The following DHX36 variants were observed in gnomAD, a reference collection of about 807,000 sequenced individuals.
DHX36 encodes ATP-dependent DNA/RNA helicase DHX36.
A neutral mutation model predicts 139.0 loss-of-function variants in DHX36; 50 were observed. The ratio of observed to expected loss-of-function variants is 0.36; its 90% CI spans 0.29 to 0.46. The LOEUF (loss-of-function observed/expected upper bound fraction) is 0.46, where lower values mean the gene tolerates loss of function less well. Among genes scored for constraint, DHX36 ranks in the 20% least tolerant of loss-of-function variants. The probability of loss-of-function intolerance (pLI) is 1.00; values close to 1 mark genes in which losing one functional copy is unlikely to be tolerated. For synonymous variants in DHX36, 425 were observed against 401.9 expected (o/e 1.06, Z -0.69); for missense variants, 1,024 against 1,211.3 (o/e 0.85, Z 2.29).
intron 12 of DHX36, chr3:154,299,592 A>C: frequency 2.3e-6 from 1 of 433,092 alleles, no homozygotes. Context: ...GGGCCAAGGG[A>C]TTTCTTTTTT....
In DHX36 at chr3:154,300,097, C is replaced by T. The variant is rs142623428; in HGVS notation, c.1462-172G>A. Reference sequence around the variant, plus strand: ...TTTTAATTATTGTTTTTGAGAGAGTCTTGCTCTGTCACCCAGGATGGAGTA... The same window carrying T: ...TTTTAATTATTGTTTTTGAGAGAGTTTTGCTCTGTCACCCAGGATGGAGTA... On this transcript the variant is annotated intron_variant, in intron 11 of 24. Coordinates refer to ENST00000496811, the MANE Select transcript of DHX36 (RefSeq NM_020865.3). Among the ~76,000 whole-genome samples, 1,164 of 151,596 alleles carry T rather than the reference C, an allele frequency of 7.7e-3. 4 individuals are homozygous for T. The highest frequency in any genetic ancestry group is 0.012 in the Non-Finnish European group (807 of 67,914).
intron 17 of DHX36, among the ~76,000 whole-genome samples, chr3:154,286,967 T>G (rs757858072): frequency 2.0e-5 from 3 of 151,976 alleles, no homozygotes; most frequent in Non-Finnish European, 4.4e-5. Flanking sequence ...TGAAGAAGAA[T>G]GAAAGGGAGT....
intron 2 of DHX36, among the ~76,000 whole-genome samples, 180 bp from the exon 3 acceptor site, chr3:154,315,460 TTTC>T (rs1371935287): frequency 5.3e-5 from 8 of 152,256 alleles, no homozygotes; most frequent in Non-Finnish European, 7.4e-5. Flanking sequence ...AATTCAAATT[TTTC>T]TTCCCTTTAA....
intron 1 of DHX36, among the ~76,000 whole-genome samples, chr3:154,323,316 C>T (rs949920932): frequency 1.3e-5 from 2 of 151,282 alleles, no homozygotes; most frequent in African/African-American, 2.4e-5. Context: ...GCCTGGGCGA[C>T]AGAGTGAGAC....
chr3:154,303,005 A>T (rs1483837984), intron 9 of DHX36, among the ~76,000 whole-genome samples: 2 of 152,206 alleles, frequency 1.3e-5, no homozygotes, highest in East Asian at 3.8e-4. Flanking sequence ...TCAACCTGGA[A>T]GGCGGAGGTT....
In DHX36 at chr3:154,315,238, C is replaced by G; in HGVS notation, c.411G>C (p.Glu137Asp). 1 of 1,612,956 alleles carries G rather than the reference C, an allele frequency of 6.2e-7. No homozygotes were observed. Among genetic ancestry groups the G allele is most frequent in the South Asian group, 1.1e-5 (1 of 91,000 alleles). Residue 137 changes from glutamate to aspartate, a missense_variant, in exon 3 of 25, where the codon GAG becomes GAC. By Grantham distance (45) the Glu-to-Asp change is conservative. This residue lies in a region of DHX36 where 293 missense variants were observed against 274.4 expected (regional missense o/e 1.07). Coordinates refer to ENST00000496811, the MANE Select transcript of DHX36 (RefSeq NM_020865.3). ...TCTTTTCCTGGATGTCAAGTTTGTT[C>G]TCTGAGCATGGTGTGTTCTTAGTAG... The part of the protein sequence containing the change: ...EVSTKNTPCS[E>D]NKLDIQEKKL...
At chr3:154,303,643 CA>C (rs1327257525) in intron 8 of DHX36, among the ~76,000 whole-genome samples, 2 of 152,136 alleles carry the variant, frequency 1.3e-5, no homozygotes, top group African/African-American at 4.8e-5. Flanking sequence ...CACAGTTCTA[CA>C]AAATAACACA....
intron 12 of DHX36, among the ~76,000 whole-genome samples, chr3:154,299,409 A>G (rs538553315): frequency 6.6e-6 from 1 of 152,320 alleles, no homozygotes; most frequent in Admixed American, 6.5e-5. Flanking sequence ...TCTAGAGTTT[A>G]TATGTTTCAA....
rs907435255 is a variant in DHX36 at position 154,301,037 on chromosome 3, T to C, written c.1308A>G (p.Glu436=). Residue 436 remains glutamate (E), a synonymous_variant, in exon 10 of 25, where the codon GAA becomes GAG. Transcript: ENST00000496811. ...HVNRQEKEEK[E]AIYKERWPDY... ...CTGGCCAACGTTCTTTATATATTGC[T>C]TCTTTTTCTTCTTTTTCTTGTCTAT... 6.2e-7 allele frequency: 1 copy of C among 1,608,810 alleles called. No individual in the cohort carries two copies. Among genetic ancestry groups the C allele is most frequent in the Non-Finnish European group, 8.5e-7 (1 of 1,176,644 alleles).
At position 154,278,082 on chromosome 3, in the gene DHX36, AAAAT is replaced by A. The variant is rs1719213130; in HGVS notation, c.2568-368_2568-365del. ...AAGAATAAATAACAAAAAAGTACCT[AAAAT>A]AATTAAGTGATTCATACCAAGAGTT... On this transcript the variant is annotated intron_variant, in intron 22 of 24. Coordinates refer to ENST00000496811, the MANE Select transcript of DHX36 (RefSeq NM_020865.3). 2.6e-5 allele frequency among the ~76,000 whole-genome samples: 4 copies of A among 152,250 alleles called. No individual in the cohort carries two copies. The South Asian group carries it at 8.3e-4, about 32-fold the overall frequency.
chr3:154,291,107 C>T (rs1319721801), intron 15 of DHX36, among the ~76,000 whole-genome samples: 1 of 125,270 alleles, frequency 8.0e-6, no homozygotes, highest in Non-Finnish European at 1.6e-5. Context: ...TGCACTCCAG[C>T]CTGGGCGACA....
chr3:154,292,116 A>T (rs113336516), intron 15 of DHX36, among the ~76,000 whole-genome samples: 10 of 152,284 alleles, frequency 6.6e-5, no homozygotes, highest in African/African-American at 1.4e-4. Flanking sequence ...CAAGTCATTT[A>T]ATTTCCTTGT....
chr3:154,323,326 C>A (rs1216140117), intron 1 of DHX36, among the ~76,000 whole-genome samples: 2 of 151,302 alleles, frequency 1.3e-5, no homozygotes, highest in Non-Finnish European at 2.9e-5. Context: ...CAGAGTGAGA[C>A]CCTGTCTTAA....
In DHX36 at chr3:154,272,846, A is replaced by C. The variant is rs1198121793; in HGVS notation, c.*3325T>G. Reference sequence around the variant, plus strand: ...TTTATTTTGGGTAAAGGAGTACTAAAATTCCTCCTAAAGCTTTTGTATAAT... The same window carrying C: ...TTTATTTTGGGTAAAGGAGTACTAACATTCCTCCTAAAGCTTTTGTATAAT... On this transcript the variant is annotated 3_prime_UTR_variant, in exon 25 of 25. Transcript: ENST00000496811. The C allele has an allele frequency of 1.3e-5, 2 of 152,112 alleles. No homozygotes were observed. The highest frequency in any genetic ancestry group is 6.5e-5 in the Admixed American group (1 of 15,274). The allele number at this position is 152,112 out of a possible 1,614,324, so 9.4% of individuals were successfully genotyped here. A position where few individuals can be genotyped will look rare whatever the true frequency, so the allele number is the denominator to read the frequency against.
chr3:154,298,398 C>G (rs1436492658), intron 12 of DHX36, among the ~76,000 whole-genome samples: 1 of 151,982 alleles, frequency 6.6e-6, no homozygotes, highest in Non-Finnish European at 1.5e-5. Context: ...ATTCAGCTGT[C>G]TAATCATGAC....
rs549127591 is a variant in DHX36 at position 154,297,642 on chromosome 3, G to A, written c.1549+2196C>T. 2.5e-3 allele frequency among the ~76,000 whole-genome samples: 373 copies of A among 151,932 alleles called. 2 individuals are homozygous for A. Among genetic ancestry groups the A allele is most frequent in the African/African-American group, 8.6e-3 (355 of 41,434 alleles). On this transcript the variant is annotated intron_variant, in intron 12 of 24. Coordinates refer to ENST00000496811, the MANE Select transcript of DHX36 (RefSeq NM_020865.3). ...AGGGAACTGCTTGAACCTGGGAGGC[G>A]GAGGTTGCAGTGAGCTGAGATCGTG...
At chr3:154,310,806 A>AATAT (rs71152800) in intron 4 of DHX36, among the ~76,000 whole-genome samples, 4 of 56,378 alleles carry the variant, frequency 7.1e-5, no homozygotes, top group Non-Finnish European at 1.2e-4. Context: ...AAAAAAAAAA[A>AATAT]ATATATATAT....
Position 154,301,034 on chromosome 3 carries a change from T to C in DHX36, c.1311A>G (p.Ala437=), listed in dbSNP as rs1447699998. ...VNRQEKEEKE[A]IYKERWPDYV... ...AATCTGGCCAACGTTCTTTATATAT[T>C]GCTTCTTTTTCTTCTTTTTCTTGTC... Residue 437 remains alanine, a synonymous_variant, in exon 10 of 25, where the codon GCA becomes GCG. Transcript: ENST00000496811. 3.7e-6 allele frequency: 6 copies of C among 1,613,432 alleles called. No homozygotes were observed. The highest frequency in any genetic ancestry group is 5.1e-6 in the Non-Finnish European group (6 of 1,179,916).
At position 154,272,771 on chromosome 3, in the gene DHX36, T is replaced by TATAA. The variant is rs1213436856; in HGVS notation, c.*3396_*3399dup. Reference sequence around the variant, plus strand: ...ATAAGTATACATGATCACAATGACTTATAAATAAATACAAACTCAGAGCTA... The same window carrying TATAA: ...ATAAGTATACATGATCACAATGACTTATAAATAAATAAATACAAACTCAGAGCTA... On this transcript the variant is annotated 3_prime_UTR_variant, in exon 25 of 25. Coordinates refer to ENST00000496811, the MANE Select transcript of DHX36 (RefSeq NM_020865.3). The TATAA allele has an allele frequency of 1.3e-5, 2 of 152,072 alleles. No individual in the cohort carries two copies. Among genetic ancestry groups the TATAA allele is most frequent in the Non-Finnish European group, 2.9e-5 (2 of 68,010 alleles). The allele number at this position is 152,072 out of a possible 1,614,324, so 9.4% of individuals were successfully genotyped here.
Sources: allele counts gnomAD v4.1 joint callset (sites outside exome capture counted in the v4.1 genomes callset), GRCh38; gene constraint gnomAD v4.1.1; regional missense constraint gnomAD v4.1.1; transcripts MANE v1.5; gene names NCBI Gene and HGNC (gene_info 2026-07-23, HGNC 2026-07-21).